CDH13: variants seen among roughly 807,000 people sequenced by gnomAD.
CDH13 encodes the protein cadherin-13.
In CDH13, 24 loss-of-function variants were observed where a neutral mutation model predicts 63.8. The observed-to-expected ratio is 0.38, with a 90% CI of 0.27 to 0.53. The LOEUF (loss-of-function observed/expected upper bound fraction) is 0.53, where lower values mean the gene tolerates loss of function less well. CDH13 is among the 20% of genes least tolerant of loss of function. The probability of loss-of-function intolerance (pLI) is 0.85; values close to 1 mark genes in which losing one functional copy is unlikely to be tolerated. For missense variants in CDH13, 1,049 were observed against 903.1 expected (o/e 1.16, Z -2.07); for synonymous variants, 503 against 355.3 (o/e 1.42, Z -4.67).
intron 7 of CDH13, among the ~76,000 whole-genome samples, chr16:83,586,754 A>G (rs1326977212): frequency 6.6e-6 from 1 of 152,144 alleles, no homozygotes; most frequent in Non-Finnish European, 1.5e-5. Context: ...TGACTGTACC[A>G]GGCATAAAAT....
At chr16:82,783,508 C>G (rs1168233895) in intron 1 of CDH13, among the ~76,000 whole-genome samples, 1 of 152,200 alleles carries the variant, frequency 6.6e-6, no homozygotes, top group Admixed American at 6.5e-5. Context: ...GAGGTGGGGT[C>G]CCAGTCCTGA....
chr16:83,061,316 T>A (rs1368341568), intron 3 of CDH13, among the ~76,000 whole-genome samples: 1 of 152,144 alleles, frequency 6.6e-6, no homozygotes. Context: ...TACATCAGGG[T>A]TGCAAAGGGG....
intron 2 of CDH13, among the ~76,000 whole-genome samples, chr16:82,935,308 C>T (rs1028379621): frequency 5.3e-5 from 8 of 152,172 alleles, no homozygotes; most frequent in Admixed American, 4.6e-4. Flanking sequence ...GAGGGGAAGG[C>T]TCCCATGACC....
At chr16:83,000,670 C>T (rs981457545) in intron 2 of CDH13, among the ~76,000 whole-genome samples, 1 of 150,068 alleles carries the variant, frequency 6.7e-6, no homozygotes, top group Non-Finnish European at 1.5e-5. Context: ...AGCTCCGCCT[C>T]CTGGGTTCAC....
intron 1 of CDH13, among the ~76,000 whole-genome samples, chr16:82,641,183 G>A (rs1272417738): frequency 6.6e-6 from 1 of 152,188 alleles, no homozygotes; most frequent in Non-Finnish European, 1.5e-5. Flanking sequence ...GTGGCTGAGG[G>A]TGTATTCACT....
At chr16:83,734,756 A>AATAATAATAATAAT (rs1555522520) in intron 10 of CDH13, among the ~76,000 whole-genome samples, 1 of 52,966 alleles carries the variant, frequency 1.9e-5, no homozygotes, top group Non-Finnish European at 4.8e-5. Context: ...ATAATAATAA[A>AATAATAATAATAAT]AACAGGGATT....
chr16:82,988,457 A>C (rs1911230555), intron 2 of CDH13, among the ~76,000 whole-genome samples: 1 of 152,032 alleles, frequency 6.6e-6, no homozygotes, highest in Non-Finnish European at 1.5e-5. Context: ...GAAGAGCTGA[A>C]AACGTCCATA....
chr16:83,602,146 C>T (rs1209708198), intron 7 of CDH13, among the ~76,000 whole-genome samples: 3 of 49,010 alleles, frequency 6.1e-5, no homozygotes, highest in Non-Finnish European at 1.1e-4. Context: ...AAAAAAAACC[C>T]AAAGGACAAT....
At chr16:83,668,308 A>C (rs1225102301) in intron 8 of CDH13, among the ~76,000 whole-genome samples, 2 of 152,194 alleles carry the variant, frequency 1.3e-5, no homozygotes, top group African/African-American at 4.8e-5. Context: ...ACTGGAGATA[A>C]AGCCATGAAG....
chr16:83,249,406 G>T (rs1433859157), intron 5 of CDH13, among the ~76,000 whole-genome samples: 1 of 152,172 alleles, frequency 6.6e-6, no homozygotes, highest in Non-Finnish European at 1.5e-5. Context: ...AGAGCTGGTG[G>T]TTAAGTTACA....
intron 4 of CDH13, among the ~76,000 whole-genome samples, chr16:83,188,139 G>A (rs2038584601): frequency 6.6e-6 from 1 of 152,190 alleles, no homozygotes; most frequent in African/African-American, 2.4e-5. Flanking sequence ...TAATTGAGTG[G>A]GAAAGCCACT....
intron 10 of CDH13, among the ~76,000 whole-genome samples, chr16:83,695,236 A>C (rs144870122): frequency 6.6e-6 from 1 of 152,338 alleles, no homozygotes; most frequent in East Asian, 1.9e-4. Context: ...AATTCATAAT[A>C]AGCAAAATAC....
chr16:83,330,412 G>A (rs1243267560), intron 5 of CDH13, among the ~76,000 whole-genome samples: 1 of 152,208 alleles, frequency 6.6e-6, no homozygotes, highest in East Asian at 1.9e-4. Flanking sequence ...TCTCAAAACA[G>A]AAAGGTTGCC....
rs530160095 is a variant in CDH13 at position 82,630,235 on chromosome 16, CT to C, written c.45+3099del. On this transcript the variant is annotated intron_variant, in intron 1 of 13. Transcript: ENST00000567109. ...GAAGAGGGTGCTGCCCCCTCCCCCC[CT>C]AGGGTCAATACATGACAGCCTGTAA... 4.9e-3 allele frequency among the ~76,000 whole-genome samples: 750 copies of C among 152,270 alleles called. 1 individual carries two copies. Among genetic ancestry groups the C allele is most frequent in the African/African-American group, 0.016 (661 of 41,562 alleles).
chr16:83,416,845 C>G (rs9788907), intron 6 of CDH13, among the ~76,000 whole-genome samples: 26,526 of 152,104 alleles, frequency 0.17, 2,962 homozygotes, highest in East Asian at 0.57. Context: ...TAAGGATTCT[C>G]ATCAGTAAGA....
intron 6 of CDH13, among the ~76,000 whole-genome samples, chr16:83,448,132 T>G (rs958332736): frequency 6.6e-6 from 1 of 152,294 alleles, no homozygotes; most frequent in African/African-American, 2.4e-5. Flanking sequence ...AAATGATAGC[T>G]TTGTGTAGGT....
intron 8 of CDH13, among the ~76,000 whole-genome samples, chr16:83,627,523 G>A (rs760658280): frequency 2.0e-5 from 3 of 152,170 alleles, no homozygotes; most frequent in South Asian, 2.1e-4. Context: ...TCCTGCCTGC[G>A]AGGAATTTGG....
chr16:82,937,907 CGTATA>C (rs1567677526), intron 2 of CDH13, among the ~76,000 whole-genome samples: 1 of 151,978 alleles, frequency 6.6e-6, no homozygotes, highest in South Asian at 2.1e-4. Context: ...TTTTTAAAGA[CGTATA>C]ATATAAAAGG....
intron 6 of CDH13, among the ~76,000 whole-genome samples, chr16:83,471,228 G>A (rs976385356): frequency 5.9e-5 from 9 of 151,398 alleles, no homozygotes; most frequent in African/African-American, 2.2e-4. Context: ...ACAGTTGTTG[G>A]GGATTAGGAT....
Sources: gnomAD v4.1 joint callset for allele counts (sites outside exome capture counted in the v4.1 genomes callset) on GRCh38, gnomAD v4.1.1 for gene constraint, MANE v1.5 for transcripts, NCBI Gene and HGNC (gene_info 2026-07-23, HGNC 2026-07-21) for gene names.